The following FREM2 variants were observed in gnomAD, a reference collection of about 807,000 sequenced individuals.
FREM2 encodes the protein FRAS1 related extracellular matrix 2.
Under a neutral mutation model 219.9 loss-of-function variants are expected in FREM2, and 119 were observed. The observed-to-expected ratio is 0.54, with a 90% confidence interval of 0.47 to 0.63. The LOEUF (loss-of-function observed/expected upper bound fraction) is 0.63, where lower values mean the gene tolerates loss of function less well. Ranked by LOEUF, FREM2 falls within the 30% of genes least tolerant of loss-of-function variation. The pLI is 0.00. For missense variants in FREM2, 4,030 were observed against 3,993.6 expected, an observed-to-expected ratio of 1.01 and a Z score of -0.25; for synonymous variants, 1,562 against 1,522.8, an observed-to-expected ratio of 1.03 and a Z score of -0.60.
chr13:38,831,986 T>C (rs1876529125), intron 6 of FREM2, among the ~76,000 whole-genome samples: 1 of 152,102 alleles, frequency 6.6e-6, no homozygotes, highest in Admixed American at 6.6e-5. Flanking sequence ...AGCTCATTTT[T>C]CAGAATGTAT....
chr13:38,886,100 T>C lies in FREM2; in HGVS notation c.*5313T>C, dbSNP rs1212128345. The stretch of plus-strand genomic sequence containing the variant: ...GGATCATCCTCTCAGATAAGAATTG[T>C]CAGTATTGCACCTCAAGAAAGAAGA... On this transcript the variant is annotated 3_prime_UTR_variant, in exon 24 of 24. Coordinates refer to ENST00000280481, the MANE Select transcript of FREM2 (RefSeq NM_207361.6). 6.6e-6 allele frequency: 1 copy of C among 152,130 alleles called. No homozygotes were observed. Among genetic ancestry groups the C allele is most frequent in the African/African-American group, 2.4e-5 (1 of 41,440 alleles). 9.4% of individuals were successfully genotyped at this position (152,130 alleles called of 1,614,324 possible).
intron 2 of FREM2, among the ~76,000 whole-genome samples, chr13:38,710,211 C>CA (rs1157451535): frequency 6.6e-6 from 1 of 151,852 alleles, no homozygotes; most frequent in Admixed American, 6.6e-5. Flanking sequence ...CAAAAAAACA[C>CA]AAAAAACATC....
In FREM2 at chr13:38,828,182, T is replaced by C. The variant is rs143060892; in HGVS notation, c.6020-18391T>C. On this transcript the variant is annotated intron_variant, in intron 6 of 23. Transcript: ENST00000280481. ...GGCTGTCTTACTTCCTTTTCAATTATTGGTTATTGATCTTGAATTTCTGGA... is the reference window on the plus strand; with the variant it reads ...GGCTGTCTTACTTCCTTTTCAATTACTGGTTATTGATCTTGAATTTCTGGA... Among the ~76,000 whole-genome samples, 428 of 152,230 alleles carry C rather than the reference T, an allele frequency of 2.8e-3. 2 individuals carry two copies. Among genetic ancestry groups the C allele is most frequent in the African/African-American group, 9.7e-3 (404 of 41,568 alleles).
At chr13:38,733,602 T>C (rs1371319471) in intron 2 of FREM2, among the ~76,000 whole-genome samples, 1 of 151,750 alleles carries the variant, frequency 6.6e-6, no homozygotes, top group Non-Finnish European at 1.5e-5. Flanking sequence ...AAAAAAAGGT[T>C]GTCAAGAAAC....
At chr13:38,815,959 A>T (rs776291423) in intron 6 of FREM2, among the ~76,000 whole-genome samples, 1 of 152,142 alleles carries the variant, frequency 6.6e-6, no homozygotes, top group East Asian at 1.9e-4. Flanking sequence ...GGGGACAAAC[A>T]AACCATATCC....
At chr13:38,749,481 G>T (rs1270890210) in intron 2 of FREM2, among the ~76,000 whole-genome samples, 2 of 152,182 alleles carry the variant, frequency 1.3e-5, no homozygotes, top group African/African-American at 2.4e-5. Flanking sequence ...TTCATGTTAG[G>T]TTATAAATGT....
chr13:38,859,703 AAGT>A, intron 14 of FREM2, 113 bp downstream of exon 14: 1 of 1,039,700 alleles, frequency 9.6e-7, no homozygotes, highest in South Asian at 1.4e-5. Context: ...TATATTTTGT[AAGT>A]AGTGAAAAAT....
rs755870920 is a variant in FREM2, at chr13:38,691,007, C to T, written c.3663C>T (p.Pro1221=). 1 of 1,613,992 alleles carries T rather than the reference C, an allele frequency of 6.2e-7. No homozygotes were observed. Among genetic ancestry groups the T allele is most frequent in the South Asian group, 1.1e-5 (1 of 91,052 alleles). Residue 1221 remains proline, a synonymous_variant, in exon 1 of 24, where the codon CCC becomes CCT. Coordinates refer to ENST00000280481, the MANE Select transcript of FREM2 (RefSeq NM_207361.6). ...PILNAADADV[P]LDDLTFTITQ... is the part of the protein sequence containing the mutation. The stretch of plus-strand genomic sequence containing the variant: ...TCAATGCTGCTGATGCTGATGTTCC[C>T]CTGGATGATTTAACTTTCACTATTA...
chr13:38,878,363 A>C (rs373659779), intron 22 of FREM2, 42 bp downstream of exon 22: 1 of 1,466,854 alleles, frequency 6.8e-7, no homozygotes, highest in South Asian at 1.1e-5. Flanking sequence ...TAGATTTTTC[A>C]AAGTTCAGCC....
intron 2 of FREM2, among the ~76,000 whole-genome samples, chr13:38,720,297 T>C (rs1871172613): frequency 6.6e-6 from 1 of 152,220 alleles, no homozygotes; most frequent in Non-Finnish European, 1.5e-5. Context: ...AATCACTTAG[T>C]ACTGTCTCAA....
chr13:38,872,682 A>G (rs2137933876), intron 16 of FREM2, 60 bp from the exon 17 acceptor site: 1 of 1,451,988 alleles, frequency 6.9e-7, no homozygotes, highest in Non-Finnish European at 9.7e-7. Flanking sequence ...GGCTTGTACA[A>G]AATTAGGCCC....
At chr13:38,799,106 G>A (rs1448882745) in intron 6 of FREM2, among the ~76,000 whole-genome samples, 2 of 151,826 alleles carry the variant, frequency 1.3e-5, no homozygotes, top group East Asian at 3.8e-4. Flanking sequence ...TTCGATGTAG[G>A]CATTTATTGT....
chr13:38,730,427 A>G (rs559664190), intron 2 of FREM2, among the ~76,000 whole-genome samples: 1 of 152,348 alleles, frequency 6.6e-6, no homozygotes, highest in African/African-American at 2.4e-5. Flanking sequence ...ACATGGCACC[A>G]TGGCAGTTGC....
chr13:38,812,869 C>A (rs563928133), intron 6 of FREM2, among the ~76,000 whole-genome samples: 21 of 148,132 alleles, frequency 1.4e-4, no homozygotes, highest in African/African-American at 4.9e-4. Context: ...GGTGACAGAG[C>A]AAGACCCTAT....
intron 16 of FREM2, among the ~76,000 whole-genome samples, chr13:38,865,089 T>C (rs1877911310): frequency 6.6e-6 from 1 of 152,220 alleles, no homozygotes; most frequent in East Asian, 1.9e-4. Flanking sequence ...GCTTTTAGCC[T>C]CCTGTTTTAC....
chr13:38,818,628 C>A (rs752778496), intron 6 of FREM2, among the ~76,000 whole-genome samples: 2 of 151,982 alleles, frequency 1.3e-5, no homozygotes, highest in Non-Finnish European at 2.9e-5. Flanking sequence ...TGTTCTATTG[C>A]ACAGTAGTGT....
intron 6 of FREM2, 121 bp downstream of exon 6, chr13:38,784,929 GT>G: frequency 6.1e-6 from 7 of 1,145,034 alleles, no homozygotes; most frequent in Middle Eastern, 2.1e-4. Context: ...TTTATGTTTG[GT>G]TTTTTCATAT....
At chr13:38,777,847 A>C (rs2137823717) in intron 4 of FREM2, among the ~76,000 whole-genome samples, 1 of 152,328 alleles carries the variant, frequency 6.6e-6, no homozygotes, top group African/African-American at 2.4e-5. Context: ...TTCTGTTAGA[A>C]GTTAGGTCAA....
rs1264387509 is a variant in FREM2 at position 38,832,069 on chromosome 13, G to A, written c.6020-14504G>A. Among the ~76,000 whole-genome samples the A allele has an allele frequency of 3.3e-5, 5 of 151,986 alleles. No individual in the cohort carries two copies. The South Asian group carries it at 8.3e-4, about 25-fold the overall frequency. On this transcript the variant is annotated intron_variant, in intron 6 of 23. Coordinates refer to ENST00000280481, the MANE Select transcript of FREM2 (RefSeq NM_207361.6). ...GTGGCTCACGCCTGTAATCCTACCT[G>A]TCTTGGAGGCCAAGGCAGGTGGATC... is the stretch of plus-strand genomic sequence containing the variant.
Sources: allele counts gnomAD v4.1 joint callset (sites outside exome capture counted in the v4.1 genomes callset), GRCh38; gene constraint gnomAD v4.1.1; transcripts MANE v1.5; gene names NCBI Gene and HGNC (gene_info 2026-07-23, HGNC 2026-07-21).